Variants in HSD17B4 observed in about 807,000 individuals in gnomAD.
The protein encoded by HSD17B4 is hydroxysteroid 17-beta dehydrogenase 4, also known as peroxisomal multifunctional enzyme type 2.
Under a neutral mutation model 101.0 loss-of-function variants are expected in HSD17B4, and 70 were observed. That is an observed-to-expected ratio of 0.69 (90% CI 0.57 to 0.85). HSD17B4 has a LOEUF of 0.85. Among genes scored for constraint, HSD17B4 ranks in the 40% least tolerant of loss-of-function variants. The pLI is 0.00. For synonymous variants in HSD17B4, 347 were observed against 297.1 expected, an observed-to-expected ratio of 1.17 and a Z score of -1.73; for missense variants, 984 against 892.4, an observed-to-expected ratio of 1.10 and a Z score of -1.31.
Position 119,489,482 on chromosome 5 carries a change from A to T in HSD17B4, c.714+199A>T, listed in dbSNP as rs545217512. ...TTTTACTTAGTTCTACATTTGTAAC[A>T]TTCCTACCAAATGAAAATGTGGCTG... is the stretch of plus-strand genomic sequence containing the variant. On this transcript the variant is annotated intron_variant, in intron 9 of 23. Coordinates refer to ENST00000510025, the MANE Select transcript of HSD17B4 (RefSeq NM_000414.4). 3.3e-5 allele frequency among the ~76,000 whole-genome samples: 5 copies of T among 152,350 alleles called. No individual in the cohort carries two copies. In the East Asian group the frequency reaches 7.7e-4, roughly 24 times the overall value.
At chr5:119,513,348 A>G (rs578213226) in intron 16 of HSD17B4, among the ~76,000 whole-genome samples, 25 of 152,210 alleles carry the variant, frequency 1.6e-4, no homozygotes, top group African/African-American at 4.6e-4. Context: ...ATAACATGCT[A>G]TTTGTTTTTC....
intron 13 of HSD17B4, 78 bp downstream of exon 13, chr5:119,499,631 TGTGTGTGTA>T (rs1241524502): frequency 2.4e-6 from 2 of 816,768 alleles, no homozygotes; most frequent in Non-Finnish European, 4.3e-6. Context: ...CTTATATATA[TGTGTGTGTA>T]GTGTGTGTAT....
intron 17 of HSD17B4, among the ~76,000 whole-genome samples, chr5:119,518,436 C>T (rs939049215): frequency 2.6e-5 from 4 of 152,124 alleles, no homozygotes; most frequent in Non-Finnish European, 5.9e-5. Context: ...TCAGTGAGAC[C>T]AAGAACCCAC....
intron 14 of HSD17B4, among the ~76,000 whole-genome samples, chr5:119,504,444 T>C (rs574490889): frequency 5.9e-4 from 90 of 152,238 alleles, no homozygotes; most frequent in African/African-American, 1.7e-3. Flanking sequence ...CCAGCATCTG[T>C]TATTTTTTTG....
At chr5:119,493,583 G>T in intron 10 of HSD17B4, 1 of 465,658 alleles carries the variant, frequency 2.1e-6, no homozygotes, top group East Asian at 4.4e-5. Context: ...GTACTGTCTG[G>T]CATAGTCAGA....
intron 22 of HSD17B4, 144 bp downstream of exon 22, chr5:119,531,548 T>G (rs890733046): frequency 2.7e-6 from 2 of 746,676 alleles, no homozygotes; most frequent in Middle Eastern, 3.7e-4. Context: ...AATGAATAGG[T>G]TTGGGAATGT....
At chr5:119,477,725 G>C in intron 7 of HSD17B4, 1 of 512,632 alleles carries the variant, frequency 2.0e-6, no homozygotes, top group Non-Finnish European at 3.6e-6. Context: ...ACCTCTTTTT[G>C]TTATTAAAGA....
intron 8 of HSD17B4, among the ~76,000 whole-genome samples, chr5:119,488,336 A>G (rs781393450): frequency 5.9e-5 from 9 of 152,294 alleles, no homozygotes; most frequent in Non-Finnish European, 1.2e-4. Flanking sequence ...AGGTACTCAC[A>G]GAAAAGGTGC....
At chr5:119,495,795 C>G (rs575854143) in intron 11 of HSD17B4, 1 of 165,860 alleles carries the variant, frequency 6.0e-6, no homozygotes, top group East Asian at 1.9e-4. Context: ...CTCAGCCTCC[C>G]AAGTAGCTGG....
rs1748686287 is a variant in HSD17B4 at position 119,477,409 on chromosome 5, T to C, written c.350-8T>C. ...AAAATATTTAATAAAAATAATTTAT[T>C]GTTTTAGATATAATCCACAGAGTTC... is the stretch of plus-strand genomic sequence containing the variant. On this transcript the variant is annotated splice_polypyrimidine_tract_variant and splice_region_variant and intron_variant, in intron 6 of 23. Transcript: ENST00000510025. 1.9e-6 allele frequency: 3 copies of C among 1,575,002 alleles called. No individual in the cohort carries two copies. Among genetic ancestry groups the C allele is most frequent in the African/African-American group, 2.7e-5 (2 of 74,158 alleles).
intron 3 of HSD17B4, 103 bp from the exon 4 acceptor site, chr5:119,474,298 C>A: frequency 2.5e-6 from 2 of 797,200 alleles, no homozygotes; most frequent in East Asian, 2.4e-5. Context: ...CTTCTGAGTT[C>A]TGTTGGGTGA....
chr5:119,497,509 A>G (rs1267561774), intron 12 of HSD17B4, among the ~76,000 whole-genome samples: 7 of 152,150 alleles, frequency 4.6e-5, no homozygotes, highest in Non-Finnish European at 1.0e-4. Context: ...TTGTGTGGGA[A>G]TTTGTATTTG....
At chr5:119,455,570 A>G (rs10434766) in intron 1 of HSD17B4, among the ~76,000 whole-genome samples, 2 of 130,972 alleles carry the variant, frequency 1.5e-5, no homozygotes, top group African/African-American at 2.9e-5. Context: ...CTCTCTCTCT[A>G]TATATATATA....
At chr5:119,486,465 C>T (rs1290366859) in intron 8 of HSD17B4, among the ~76,000 whole-genome samples, 1 of 152,036 alleles carries the variant, frequency 6.6e-6, no homozygotes, top group Non-Finnish European at 1.5e-5. Flanking sequence ...TATTCATTCC[C>T]TTACCTTTAA....
intron 22 of HSD17B4, among the ~76,000 whole-genome samples, chr5:119,535,603 T>C (rs1437929817): frequency 6.6e-6 from 1 of 150,846 alleles, no homozygotes; most frequent in African/African-American, 2.4e-5. Context: ...GCTCTTGGTG[T>C]GATTTTTAAA....
chr5:119,523,184 A>G (rs913908937), intron 17 of HSD17B4, among the ~76,000 whole-genome samples: 32 of 151,964 alleles, frequency 2.1e-4, no homozygotes, highest in African/African-American at 7.0e-4. Flanking sequence ...TAGTTTCCTG[A>G]GCCTATTTAT....
chr5:119,453,183 G>T (rs1175778771), intron 1 of HSD17B4, among the ~76,000 whole-genome samples: 5 of 152,212 alleles, frequency 3.3e-5, no homozygotes, highest in African/African-American at 9.6e-5. Flanking sequence ...GTTGGAGTTT[G>T]TATGCTTAGC....
chr5:119,474,487 T>A, intron 4 of HSD17B4, 27 bp downstream of exon 4: 1 of 1,437,600 alleles, frequency 7.0e-7, no homozygotes. Flanking sequence ...TTATGGCTCT[T>A]GTGGAGCAAC....
rs2126873336 is a variant in HSD17B4, at chr5:119,525,199, T to G, written c.1504-17T>G. 4.4e-6 allele frequency: 7 copies of G among 1,590,802 alleles called. No individual in the cohort carries two copies. Among genetic ancestry groups the G allele is most frequent in the Non-Finnish European group, 5.2e-6 (6 of 1,159,402 alleles). ...ACAAAACACTGAGTTCTAGTTATGT[T>G]TATGCTTTCTCCACAGGCTGCTTTG... is the stretch of plus-strand genomic sequence containing the variant. On this transcript the variant is annotated splice_polypyrimidine_tract_variant and intron_variant, in intron 17 of 23. Coordinates refer to ENST00000510025, the MANE Select transcript of HSD17B4 (RefSeq NM_000414.4).
Sources: allele counts gnomAD v4.1 joint callset (sites outside exome capture counted in the v4.1 genomes callset), GRCh38; gene constraint gnomAD v4.1.1; transcripts MANE v1.5; gene names NCBI Gene and HGNC (gene_info 2026-07-23, HGNC 2026-07-21).